KIF6: variants seen among roughly 807,000 people sequenced by gnomAD.
KIF6 encodes kinesin-like protein KIF6.
A neutral mutation model predicts 112.7 loss-of-function variants in KIF6; 106 were observed. The ratio of observed to expected loss-of-function variants is 0.94; its 90% confidence interval spans 0.80 to 1.11. KIF6 has a LOEUF of 1.11. Ranked by LOEUF, KIF6 falls within the 50% of genes least tolerant of loss-of-function variation. KIF6 has a pLI of 0.00. For missense variants in KIF6, 929 were observed against 964.0 expected (o/e 0.96, Z 0.48); for synonymous variants, 339 against 339.9 (o/e 1.00, Z 0.03).
At chr6:39,415,156 C>T (rs892486529) in intron 15 of KIF6, among the ~76,000 whole-genome samples, 13 of 152,090 alleles carry the variant, frequency 8.5e-5, no homozygotes, top group Admixed American at 5.2e-4. Context: ...TATTGCACTC[C>T]AGCCTGGATG....
chr6:39,647,965 C>A (rs1033635113), intron 3 of KIF6, among the ~76,000 whole-genome samples: 3 of 151,094 alleles, frequency 2.0e-5, no homozygotes, highest in Non-Finnish European at 4.4e-5. Context: ...CCCACCTCAA[C>A]CTCTCAAAGT....
At chr6:39,355,937 C>A (rs899557863) in intron 19 of KIF6, among the ~76,000 whole-genome samples, 1 of 151,958 alleles carries the variant, frequency 6.6e-6, no homozygotes, top group African/African-American at 2.4e-5. Flanking sequence ...GATATTGATA[C>A]ATTGTTATTA....
intron 15 of KIF6, among the ~76,000 whole-genome samples, chr6:39,394,860 A>C (rs972237895): frequency 6.6e-6 from 1 of 152,218 alleles, no homozygotes; most frequent in Non-Finnish European, 1.5e-5. Context: ...AAAAGATATC[A>C]ATACTTTCTA....
chr6:39,650,515 ATTATT>A (rs1280469268), intron 3 of KIF6, among the ~76,000 whole-genome samples: 4 of 151,618 alleles, frequency 2.6e-5, no homozygotes, highest in Non-Finnish European at 5.9e-5. Context: ...TATATTATAC[ATTATT>A]TTATCTTATT....
chr6:39,646,752 T>C (rs1270856634), intron 3 of KIF6, among the ~76,000 whole-genome samples: 1 of 152,200 alleles, frequency 6.6e-6, no homozygotes, highest in East Asian at 1.9e-4. Flanking sequence ...ACAAAACATC[T>C]TTGCATAAAT....
intron 13 of KIF6, among the ~76,000 whole-genome samples, chr6:39,458,328 A>T (rs1303529196): frequency 6.7e-6 from 1 of 150,350 alleles, no homozygotes; most frequent in South Asian, 2.2e-4. Flanking sequence ...ACAACTCTTC[A>T]TGCTAAAAAC....
intron 15 of KIF6, among the ~76,000 whole-genome samples, chr6:39,407,490 G>T (rs1769174484): frequency 6.6e-6 from 1 of 152,174 alleles, no homozygotes; most frequent in South Asian, 2.1e-4. Context: ...CTAATGAGTT[G>T]CTAGGTTCTG....
chr6:39,420,635 C>T (rs1019626176), intron 14 of KIF6, among the ~76,000 whole-genome samples: 2 of 152,018 alleles, frequency 1.3e-5, no homozygotes, highest in Non-Finnish European at 2.9e-5. Context: ...TGTTATATAC[C>T]GTTATTAAGC....
chr6:39,420,540 C>A (rs976734706), intron 14 of KIF6, among the ~76,000 whole-genome samples: 1 of 152,120 alleles, frequency 6.6e-6, no homozygotes. Flanking sequence ...AAGACAGAGT[C>A]GACTAGATGT....
chr6:39,543,132 C>T (rs1475520651), intron 12 of KIF6, among the ~76,000 whole-genome samples: 1 of 152,062 alleles, frequency 6.6e-6, no homozygotes, highest in South Asian at 2.1e-4. Flanking sequence ...TCATTTCATC[C>T]CTCCTATATG....
intron 1 of KIF6, 68 bp downstream of exon 1, chr6:39,725,177 C>T: frequency 1.4e-6 from 2 of 1,400,450 alleles, no homozygotes; most frequent in Non-Finnish European, 2.0e-6. Flanking sequence ...AGCCCCTTCG[C>T]GTGCCGCCGC....
rs561274867 is a variant in KIF6, at chr6:39,720,526, G to C, written c.176+176C>G. On this transcript the variant is annotated intron_variant, in intron 2 of 22. Transcript: ENST00000287152. ...AGATATAGAAATACACATTATTTTT[G>C]ACCTTGGGCACAGCAGTGAAAAGGC... Among the ~76,000 whole-genome samples the C allele has an allele frequency of 2.0e-3, 307 of 152,156 alleles. 1 individual carries two copies. Among genetic ancestry groups the C allele is most frequent in the Middle Eastern group, 6.8e-3 (2 of 294 alleles).
chr6:39,386,339 T>G (rs1014351350), intron 15 of KIF6, among the ~76,000 whole-genome samples: 1 of 152,046 alleles, frequency 6.6e-6, no homozygotes, highest in Non-Finnish European at 1.5e-5. Context: ...ACTGGAATGG[T>G]GAGGGGTCTG....
chr6:39,410,012 A>G (rs965000764), intron 15 of KIF6, among the ~76,000 whole-genome samples: 4 of 152,366 alleles, frequency 2.6e-5, no homozygotes, highest in Non-Finnish European at 4.4e-5. Flanking sequence ...GCCCTGGGCA[A>G]ATCAGTCAGT....
At chr6:39,679,143 T>C (rs1040553519) in intron 3 of KIF6, among the ~76,000 whole-genome samples, 28 of 152,352 alleles carry the variant, frequency 1.8e-4, no homozygotes, top group Non-Finnish European at 4.1e-4. Context: ...ATTAGAGTTC[T>C]GTTATTAAAA....
At chr6:39,615,527 C>T (rs1375627122) in intron 5 of KIF6, among the ~76,000 whole-genome samples, 2 of 147,184 alleles carry the variant, frequency 1.4e-5, no homozygotes, top group East Asian at 4.2e-4. Flanking sequence ...CACAGCACTG[C>T]TGCTTAGGTC....
At chr6:39,586,947 T>C (rs756169573) in intron 7 of KIF6, among the ~76,000 whole-genome samples, 9 of 152,122 alleles carry the variant, frequency 5.9e-5, no homozygotes, top group Non-Finnish European at 1.0e-4. Context: ...TCACAGGTAG[T>C]TGAGATGATT....
At chr6:39,716,021 T>G (rs1789830651) in intron 2 of KIF6, among the ~76,000 whole-genome samples, 1 of 152,150 alleles carries the variant, frequency 6.6e-6, no homozygotes, top group Non-Finnish European at 1.5e-5. Flanking sequence ...ACTTCTTTTA[T>G]CAGATGGGTG....
chr6:39,472,409 T>C (rs1445069469), intron 13 of KIF6, among the ~76,000 whole-genome samples: 2 of 152,212 alleles, frequency 1.3e-5, no homozygotes, highest in Admixed American at 6.5e-5. Flanking sequence ...AAATAATGAA[T>C]GACTCCAAAA....
Sources: gnomAD v4.1 joint callset for allele counts (sites outside exome capture counted in the v4.1 genomes callset) on GRCh38, gnomAD v4.1.1 for gene constraint, MANE v1.5 for transcripts, NCBI Gene and HGNC (gene_info 2026-07-23, HGNC 2026-07-21) for gene names.